KSR2: variants seen among roughly 807,000 people sequenced by gnomAD.
The protein encoded by KSR2 is kinase suppressor of ras 2.
KSR2 carries 25 observed loss-of-function variants against 107.8 expected under a neutral mutation model. The observed-to-expected ratio is 0.23, with a 90% confidence interval of 0.17 to 0.32. The LOEUF (loss-of-function observed/expected upper bound fraction) is 0.32, where lower values mean the gene tolerates loss of function less well. Among genes scored for constraint, KSR2 ranks in the 10% least tolerant of loss-of-function variants. The probability of loss-of-function intolerance (pLI) is 1.00; values close to 1 mark genes in which losing one functional copy is unlikely to be tolerated. For synonymous variants in KSR2, 480 were observed against 507.0 expected, an observed-to-expected ratio of 0.95 and a Z score of 0.71; for missense variants, 887 against 1,268.9, an observed-to-expected ratio of 0.70 and a Z score of 4.57.
rs71452609 is a variant in KSR2, at chr12:117,586,286, T to C, written c.1172-3927A>G. 6.2e-3 allele frequency among the ~76,000 whole-genome samples: 938 copies of C among 150,566 alleles called. 1 individual carries two copies. The highest frequency in any genetic ancestry group is 9.0e-3 in the Non-Finnish European group (611 of 67,572). On this transcript the variant is annotated intron_variant, in intron 5 of 19. Coordinates refer to ENST00000339824, the MANE Select transcript of KSR2 (RefSeq NM_173598.6). ...AAGAGGAGGAGAAGAAAGAAGAAAA[T>C]AAGAAATAAGAAAAATAGGGCCGGG...
chr12:117,740,599 T>TATA (rs1888171705), intron 4 of KSR2, among the ~76,000 whole-genome samples: 5 of 105,756 alleles, frequency 4.7e-5, no homozygotes, highest in South Asian at 3.4e-4. Context: ...TATATACATA[T>TATA]ATAGATGTAA....
chr12:117,904,525 C>A (rs907376053), intron 1 of KSR2, among the ~76,000 whole-genome samples: 2 of 152,122 alleles, frequency 1.3e-5, no homozygotes, highest in East Asian at 1.9e-4. Flanking sequence ...GGCCTTATTA[C>A]CCCTGTTCCA....
intron 5 of KSR2, among the ~76,000 whole-genome samples, chr12:117,663,004 TAAC>T (rs1884502544): frequency 6.6e-6 from 1 of 152,082 alleles, no homozygotes; most frequent in African/African-American, 2.4e-5. Flanking sequence ...CCTAGAATAA[TAAC>T]AACAGAGTCT....
At chr12:117,608,502 T>C (rs1230580245) in intron 5 of KSR2, among the ~76,000 whole-genome samples, 1 of 152,214 alleles carries the variant, frequency 6.6e-6, no homozygotes, top group African/African-American at 2.4e-5. Context: ...AGCTGTTACA[T>C]GCTTCCAGAA....
At chr12:117,923,898 A>G (rs1357938552) in intron 1 of KSR2, among the ~76,000 whole-genome samples, 1 of 147,634 alleles carries the variant, frequency 6.8e-6, no homozygotes, top group African/African-American at 2.5e-5. Context: ...TTTTTTTGAG[A>G]CAAGAGTTTC....
intron 14 of KSR2, among the ~76,000 whole-genome samples, chr12:117,503,142 A>T (rs1386393043): frequency 6.6e-6 from 1 of 152,134 alleles, no homozygotes; most frequent in African/African-American, 2.4e-5. Context: ...AGAGGTTAGG[A>T]GCTTGGAATT....
chr12:117,947,257 G>GAGA (rs1896228145), intron 1 of KSR2, among the ~76,000 whole-genome samples: 1 of 118,882 alleles, frequency 8.4e-6, no homozygotes, highest in African/African-American at 3.3e-5. Context: ...AAGAAAGAAA[G>GAGA]AAGATAAACC....
chr12:117,694,896 G>A (rs1003880139), intron 4 of KSR2, among the ~76,000 whole-genome samples: 1 of 123,122 alleles, frequency 8.1e-6, no homozygotes. Flanking sequence ...GTTGCCTCAA[G>A]CTGGAGTGCA....
At chr12:117,704,833 T>C (rs1886458209) in intron 4 of KSR2, among the ~76,000 whole-genome samples, 1 of 149,370 alleles carries the variant, frequency 6.7e-6, no homozygotes, top group Non-Finnish European at 1.5e-5. Flanking sequence ...CACTCCAGCA[T>C]GGGTGACAGA....
At chr12:117,582,851 G>A (rs1879751670) in intron 5 of KSR2, among the ~76,000 whole-genome samples, 1 of 152,310 alleles carries the variant, frequency 6.6e-6, no homozygotes, top group East Asian at 1.9e-4. Context: ...TTGCATGAAA[G>A]TTAGAGTGCA....
At chr12:117,732,756 G>A (rs1415186587) in intron 4 of KSR2, among the ~76,000 whole-genome samples, 1 of 152,124 alleles carries the variant, frequency 6.6e-6, no homozygotes, top group Non-Finnish European at 1.5e-5. Flanking sequence ...CTAGCCTAAG[G>A]GGAACAGGAG....
chr12:117,580,808 G>A (rs994431805), intron 6 of KSR2, among the ~76,000 whole-genome samples: 2 of 152,158 alleles, frequency 1.3e-5, no homozygotes, highest in Admixed American at 1.3e-4. Context: ...TGAGCCAGGG[G>A]CATGGCCAAT....
chr12:117,546,099 T>C (rs1876850595), intron 9 of KSR2, among the ~76,000 whole-genome samples: 1 of 152,224 alleles, frequency 6.6e-6, no homozygotes, highest in African/African-American at 2.4e-5. Context: ...CAAGATTCTT[T>C]ATTACTTCTT....
chr12:117,636,758 T>A (rs1565937968), intron 5 of KSR2, among the ~76,000 whole-genome samples: 2 of 152,200 alleles, frequency 1.3e-5, no homozygotes, highest in Non-Finnish European at 2.9e-5. Flanking sequence ...AAGAATTTGT[T>A]AAATAACATT....
chr12:117,609,910 T>C (rs991555224), intron 5 of KSR2, among the ~76,000 whole-genome samples: 4 of 152,140 alleles, frequency 2.6e-5, no homozygotes, highest in Non-Finnish European at 5.9e-5. Flanking sequence ...TACTGCCATA[T>C]GGCCCACAAA....
At chr12:117,730,208 G>A (rs1000460474) in intron 4 of KSR2, among the ~76,000 whole-genome samples, 8 of 152,142 alleles carry the variant, frequency 5.3e-5, no homozygotes, top group Non-Finnish European at 1.0e-4. Context: ...GTAGCTTGCC[G>A]ATCCCTGTGC....
intron 8 of KSR2, among the ~76,000 whole-genome samples, chr12:117,557,952 G>A (rs545056097): frequency 4.4e-4 from 67 of 152,068 alleles, no homozygotes; most frequent in Non-Finnish European, 8.5e-4. Context: ...AGCCAGATTC[G>A]TCTTGCTTTT....
At chr12:117,946,914 C>T (rs1427039074) in intron 1 of KSR2, among the ~76,000 whole-genome samples, 3 of 151,874 alleles carry the variant, frequency 2.0e-5, no homozygotes, top group Admixed American at 6.6e-5. Context: ...CCTACAATCC[C>T]AGCAATTTGG....
At chr12:117,958,693 C>T (rs1028195014) in intron 1 of KSR2, among the ~76,000 whole-genome samples, 3 of 152,090 alleles carry the variant, frequency 2.0e-5, no homozygotes, top group Admixed American at 6.6e-5. Flanking sequence ...CGGTGGAATG[C>T]GCCTGTAATC....
Sources: gnomAD v4.1 joint callset for allele counts (sites outside exome capture counted in the v4.1 genomes callset) on GRCh38, gnomAD v4.1.1 for gene constraint, MANE v1.5 for transcripts, NCBI Gene and HGNC (gene_info 2026-07-23, HGNC 2026-07-21) for gene names.